Variants in CEP57 observed in about 807,000 individuals in gnomAD.
CEP57 encodes centrosomal protein 57, also known as centrosomal protein of 57 kDa.
In CEP57, 40 loss-of-function variants were observed where a neutral mutation model predicts 68.0. That is an observed-to-expected ratio of 0.59 (90% CI 0.46 to 0.77). CEP57 has a LOEUF of 0.77. CEP57 is among the 30% of genes least tolerant of loss of function. CEP57 has a pLI of 0.00. For synonymous variants in CEP57, 219 were observed against 198.7 expected (o/e 1.10, Z -0.86); for missense variants, 606 against 580.7 (o/e 1.04, Z -0.45).
chr11:95,797,683 C>T (rs893835308), intron 1 of CEP57, among the ~76,000 whole-genome samples: 1 of 152,052 alleles, frequency 6.6e-6, no homozygotes, highest in African/African-American at 2.4e-5. Flanking sequence ...TACCACAGGG[C>T]ATACAGATAA....
chr11:95,795,951 A>G (rs894630275), intron 1 of CEP57, among the ~76,000 whole-genome samples: 1 of 152,190 alleles, frequency 6.6e-6, no homozygotes, highest in African/African-American at 2.4e-5. Context: ...ATGTCAATCT[A>G]CAAGACCCAG....
At chr11:95,812,880 C>T (rs1279169954) in intron 2 of CEP57, 52 bp from the exon 3 acceptor site, 1 of 1,507,442 alleles carries the variant, frequency 6.6e-7, no homozygotes, top group East Asian at 2.3e-5. Flanking sequence ...TCTTAATATA[C>T]TTTCTCCGCA....
intron 7 of CEP57, 24 bp from the exon 8 acceptor site, chr11:95,822,475 T>C (rs1422054789): frequency 6.4e-7 from 1 of 1,561,588 alleles, no homozygotes; most frequent in Non-Finnish European, 8.8e-7. Flanking sequence ...AAAATAAAAT[T>C]GTTTTCCTTT....
chr11:95,820,588 A>AAAAC (rs766595912), intron 6 of CEP57, among the ~76,000 whole-genome samples: 6 of 151,898 alleles, frequency 4.0e-5, no homozygotes, highest in Admixed American at 6.6e-5. Context: ...GCAAAAAAAA[A>AAAAC]AAAAAAAAAC....
intron 8 of CEP57, 57 bp from the exon 9 acceptor site, chr11:95,827,729 A>G (rs1042365432): frequency 6.8e-6 from 11 of 1,606,528 alleles, no homozygotes; most frequent in South Asian, 1.1e-5. Context: ...TAGGGAATAG[A>G]AAGTGGTGTA....
intron 2 of CEP57, among the ~76,000 whole-genome samples, chr11:95,806,536 T>A (rs1861808846): frequency 6.6e-6 from 1 of 152,210 alleles, no homozygotes; most frequent in African/African-American, 2.4e-5. Flanking sequence ...TACTGTGCTT[T>A]TCCAATGGTC....
In CEP57 at chr11:95,827,581, A is replaced by G. The variant is rs1057372080; in HGVS notation, c.886-205A>G. The G allele has an allele frequency of 9.1e-5, 54 of 592,186 alleles. No individual in the cohort carries two copies. In the African/African-American group the frequency reaches 1.0e-3, roughly 11 times the overall value. The allele number at this position is 592,186 out of a possible 1,614,324, so 36.7% of individuals were successfully genotyped here. A position where few individuals can be genotyped will look rare whatever the true frequency, so the allele number is the denominator to read the frequency against. The stretch of plus-strand genomic sequence containing the variant: ...GGTTGCAGCTCAATGATGTGTATGT[A>G]GGGCCTTATTTTCCATTCTGAAACA... On this transcript the variant is annotated intron_variant, in intron 8 of 10. Transcript: ENST00000325542.
intron 2 of CEP57, among the ~76,000 whole-genome samples, chr11:95,804,081 T>G (rs532934617): frequency 6.6e-5 from 10 of 152,248 alleles, no homozygotes; most frequent in African/African-American, 2.4e-4. Context: ...AAATATGAAA[T>G]TTATCAGGTA....
intron 8 of CEP57, 103 bp from the exon 9 acceptor site, chr11:95,827,683 T>C (rs770075373): frequency 3.4e-5 from 44 of 1,298,436 alleles, no homozygotes; most frequent in Non-Finnish European, 4.7e-5. Flanking sequence ...TTATATACTC[T>C]ACTTTAGGGG....
intron 8 of CEP57, chr11:95,826,483 T>G (rs1198530771): frequency 1.3e-5 from 2 of 152,178 alleles, no homozygotes; most frequent in African/African-American, 2.4e-5. Context: ...GAAGAGTACC[T>G]AATGGATGCT....
In CEP57 at chr11:95,818,324, T is replaced by C. The variant is rs568935311; in HGVS notation, c.621+421T>C. Among the ~76,000 whole-genome samples the C allele has an allele frequency of 9.9e-5, 15 of 151,212 alleles. No homozygotes were observed. The South Asian group carries it at 3.1e-3, about 32-fold the overall frequency. On this transcript the variant is annotated intron_variant, in intron 5 of 10. Transcript: ENST00000325542. ...CTGCTTGGAGGCTGAGACAGGAGAATCGCTTGAAACCAGGAGGCGGAGGTT... is the reference window on the plus strand; with the variant it reads ...CTGCTTGGAGGCTGAGACAGGAGAACCGCTTGAAACCAGGAGGCGGAGGTT...
At chr11:95,830,335 T>G (rs1862948140) in intron 10 of CEP57, among the ~76,000 whole-genome samples, 1 of 152,142 alleles carries the variant, frequency 6.6e-6, no homozygotes, top group Non-Finnish European at 1.5e-5. Context: ...TTTTTCAAAG[T>G]TCATGTATGA....
At chr11:95,815,639 G>C (rs968094338) in intron 4 of CEP57, among the ~76,000 whole-genome samples, 5 of 152,070 alleles carry the variant, frequency 3.3e-5, no homozygotes, top group African/African-American at 7.2e-5. Context: ...ATTTGCCTTT[G>C]GTTAGGCTTG....
chr11:95,790,790 C>T (rs753636917), intron 1 of CEP57, 47 bp downstream of exon 1: 4 of 1,607,812 alleles, frequency 2.5e-6, no homozygotes, highest in Non-Finnish European at 3.4e-6. Flanking sequence ...CCCTAAGCGC[C>T]TCTTTGAGTT....
At chr11:95,830,554 C>T (rs1862957450) in intron 10 of CEP57, among the ~76,000 whole-genome samples, 1 of 152,126 alleles carries the variant, frequency 6.6e-6, no homozygotes, top group Non-Finnish European at 1.5e-5. Context: ...TTACCAATTA[C>T]ATCTGTTCAT....
At chr11:95,805,593 C>A (rs79221000) in intron 2 of CEP57, among the ~76,000 whole-genome samples, 2 of 152,260 alleles carry the variant, frequency 1.3e-5, no homozygotes, top group East Asian at 3.9e-4. Flanking sequence ...TCGTAAAAGA[C>A]GGCAGCTCTC....
intron 1 of CEP57, among the ~76,000 whole-genome samples, chr11:95,790,975 C>CAA (rs1861023151): frequency 1.3e-5 from 2 of 152,358 alleles, no homozygotes; most frequent in African/African-American, 2.4e-5. Context: ...AGCCCTTATT[C>CAA]ACCTTTTGGC....
Position 95,830,923 on chromosome 11 carries a change from TGA to T in CEP57, c.1273-99_1273-98del, listed in dbSNP as rs1373451841. ...AGAATGTATTATTTTTCAGTTAGCA[TGA>T]GAGTTAACCAAAAAAAGGTACTCTT... is the stretch of plus-strand genomic sequence containing the variant. On this transcript the variant is annotated intron_variant, in intron 10 of 10. Transcript: ENST00000325542. 2.6e-5 allele frequency: 21 copies of T among 820,380 alleles called. 1 individual carries two copies. The East Asian group carries it at 4.9e-4, about 19-fold the overall frequency. The allele number at this position is 820,380 out of a possible 1,614,324, so 50.8% of individuals were successfully genotyped here.
chr11:95,794,373 C>G (rs2135240650), intron 1 of CEP57: 1 of 454,222 alleles, frequency 2.2e-6, no homozygotes, highest in African/African-American at 2.0e-5. Context: ...TGTGCGTCTT[C>G]AGCTTTACTC....
Sources: allele counts gnomAD v4.1 joint callset (sites outside exome capture counted in the v4.1 genomes callset), GRCh38; gene constraint gnomAD v4.1.1; transcripts MANE v1.5; gene names NCBI Gene and HGNC (gene_info 2026-07-23, HGNC 2026-07-21).